The following IQCH variants were observed in gnomAD, a reference collection of about 807,000 sequenced individuals.
IQCH encodes the protein IQ domain-containing protein H.
IQCH carries 98 observed loss-of-function variants against 117.0 expected under a neutral mutation model. The observed-to-expected ratio is 0.84, with a 90% CI of 0.71 to 0.99. The LOEUF is 0.99. Ranked by LOEUF, IQCH falls within the 50% of genes least tolerant of loss-of-function variation. The pLI is 0.00. For synonymous variants in IQCH, 412 were observed against 448.2 expected (o/e 0.92, Z 1.02); for missense variants, 1,102 against 1,243.8 (o/e 0.89, Z 1.72).
At chr15:67,329,937 A>G (rs936834054) in intron 4 of IQCH, among the ~76,000 whole-genome samples, 1 of 152,140 alleles carries the variant, frequency 6.6e-6, no homozygotes, top group African/African-American at 2.4e-5. Context: ...ATAACAATAG[A>G]TTAAATACAA....
intron 6 of IQCH, among the ~76,000 whole-genome samples, chr15:67,353,716 A>G (rs768584149): frequency 1.3e-4 from 20 of 152,210 alleles, no homozygotes; most frequent in Non-Finnish European, 2.4e-4. Context: ...AATGATAAAG[A>G]AAGGAAAATA....
rs982608320 is a variant in IQCH, at chr15:67,342,313, T to TGTA, written c.509-1748_509-1746dup. On this transcript the variant is annotated intron_variant, in intron 5 of 20. Coordinates refer to ENST00000335894, the MANE Select transcript of IQCH (RefSeq NM_001031715.3). This position sits in a 1 kb window ranked among gnomAD's most constrained non-coding sequence, Gnocchi z 4.7. ...AGATGCATACAGAGTCCTGTAGGAC[T>TGTA]GTAGGTCAGATAATCTTCAGAGATT... 7.2e-5 allele frequency among the ~76,000 whole-genome samples: 11 copies of TGTA among 152,262 alleles called. No individual in the cohort carries two copies. Among genetic ancestry groups the TGTA allele is most frequent in the African/African-American group, 2.6e-4 (11 of 41,568 alleles).
Position 67,422,294 on chromosome 15 carries a change from C to T in IQCH, c.2505+717C>T, listed in dbSNP as rs2081769682. Among the ~76,000 whole-genome samples, 1 of 152,146 alleles carries T rather than the reference C, an allele frequency of 6.6e-6. No homozygotes were observed. The highest frequency in any genetic ancestry group is 1.5e-5 in the Non-Finnish European group (1 of 68,020). ...AGAAAGGAGTTAAGAGTTCACATTT[C>T]TGTTCCTTTTCTTATCAGACAACTT... is the stretch of plus-strand genomic sequence containing the variant. On this transcript the variant is annotated intron_variant, in intron 16 of 20. Coordinates refer to ENST00000335894, the MANE Select transcript of IQCH (RefSeq NM_001031715.3). This position sits in a 1 kb window ranked among gnomAD's most constrained non-coding sequence, Gnocchi z 4.7.
chr15:67,445,727 G>A lies in IQCH; in HGVS notation c.2506-19400G>A, dbSNP rs766056767. On this transcript the variant is annotated intron_variant, in intron 16 of 20. Coordinates refer to ENST00000335894, the MANE Select transcript of IQCH (RefSeq NM_001031715.3). This position sits in a 1 kb window ranked among gnomAD's most constrained non-coding sequence, Gnocchi z 4.3. ...GCTGGGATAACAGGCGTGAGCCACC[G>A]CACCTGGCCTGTTTTTTAATCTTTG... 4.6e-5 allele frequency among the ~76,000 whole-genome samples: 7 copies of A among 152,268 alleles called. No homozygotes were observed. The highest frequency in any genetic ancestry group is 6.5e-5 in the Admixed American group (1 of 15,298).
rs2083291949 is a variant in IQCH at position 67,479,523 on chromosome 15, TG to T, written c.2799+3706del. ...ATATATCCCCTCTAGGTACCTCTTA[TG>T]TATTCTTCAGCTGGAGAAACACAGA... On this transcript the variant is annotated intron_variant, in intron 18 of 20. Coordinates refer to ENST00000335894, the MANE Select transcript of IQCH (RefSeq NM_001031715.3). The surrounding 1 kb of genome is among the most constrained non-coding windows in gnomAD (Gnocchi z 4.6). Among the ~76,000 whole-genome samples the T allele has an allele frequency of 6.6e-6, 1 of 152,216 alleles. No individual in the cohort carries two copies. Among genetic ancestry groups the T allele is most frequent in the Admixed American group, 6.5e-5 (1 of 15,274 alleles).
intron 4 of IQCH, among the ~76,000 whole-genome samples, chr15:67,308,003 A>G (rs184790550): frequency 6.6e-6 from 1 of 152,286 alleles, no homozygotes; most frequent in Non-Finnish European, 1.5e-5. Context: ...TTCTGTACGT[A>G]TCAGCATTCC....
At chr15:67,280,451 G>A (rs1004786562) in intron 4 of IQCH, among the ~76,000 whole-genome samples, 1 of 152,186 alleles carries the variant, frequency 6.6e-6, no homozygotes, top group African/African-American at 2.4e-5. Context: ...TCAAGGTGCC[G>A]GCAGATCCGG....
At chr15:67,360,753 G>A (rs946434237) in intron 8 of IQCH, among the ~76,000 whole-genome samples, 2 of 152,156 alleles carry the variant, frequency 1.3e-5, no homozygotes, top group African/African-American at 2.4e-5. Context: ...AAAAGAGCCC[G>A]CCTTTGGGGT....
rs1206041581 is a variant in IQCH at position 67,463,669 on chromosome 15, T to G, written c.2506-1458T>G. On this transcript the variant is annotated intron_variant, in intron 16 of 20. Transcript: ENST00000335894. This position sits in a 1 kb window ranked among gnomAD's most constrained non-coding sequence, Gnocchi z 4.0. ...TACATGGGACCAGTTGTGTTTTTGT[T>G]GCTTGTTTAAAGCTCAAAGGTCACC... 1.3e-5 allele frequency among the ~76,000 whole-genome samples: 2 copies of G among 152,210 alleles called. No individual in the cohort carries two copies. Among genetic ancestry groups the G allele is most frequent in the African/African-American group, 2.4e-5 (1 of 41,458 alleles).
chr15:67,430,121 A>G lies in IQCH; in HGVS notation c.2505+8544A>G, dbSNP rs1006062082. 6.6e-6 allele frequency among the ~76,000 whole-genome samples: 1 copy of G among 152,130 alleles called. No individual in the cohort carries two copies. Among genetic ancestry groups the G allele is most frequent in the Non-Finnish European group, 1.5e-5 (1 of 68,018 alleles). On this transcript the variant is annotated intron_variant, in intron 16 of 20. Transcript: ENST00000335894. This position sits in a 1 kb window ranked among gnomAD's most constrained non-coding sequence, Gnocchi z 5.1. ...CCTTCAGAGATGGCACGCAGAGTAC[A>G]TGGCACTCCAGAATACACAGAGCTA...
At chr15:67,495,417 G>A (rs1471431127) in intron 20 of IQCH, among the ~76,000 whole-genome samples, 1 of 152,204 alleles carries the variant, frequency 6.6e-6, no homozygotes, top group South Asian at 2.1e-4. Flanking sequence ...TGCCTAGGCT[G>A]GTCTCAAGCT....
At position 67,417,698 on chromosome 15, in the gene IQCH, C is replaced by T. The variant is rs1268923569; in HGVS notation, c.2218+647C>T. ...GAGGGAATGAATGGAGTGAATGATG[C>T]CTGTCTACCGTCTCAGAGGTCCCTG... On this transcript the variant is annotated intron_variant, in intron 15 of 20. Transcript: ENST00000335894. The surrounding 1 kb of genome is among the most constrained non-coding windows in gnomAD (Gnocchi z 4.3). Among the ~76,000 whole-genome samples, 1 of 152,084 alleles carries T rather than the reference C, an allele frequency of 6.6e-6. No individual in the cohort carries two copies. Among genetic ancestry groups the T allele is most frequent in the Non-Finnish European group, 1.5e-5 (1 of 68,018 alleles).
rs1456455153 is a variant in IQCH at position 67,474,061 on chromosome 15, A to T, written c.2677-1635A>T. 8.2e-6 allele frequency among the ~76,000 whole-genome samples: 1 copy of T among 121,222 alleles called. No individual in the cohort carries two copies. Among genetic ancestry groups the T allele is most frequent in the Non-Finnish European group, 1.7e-5 (1 of 57,376 alleles). 79.5% of individuals were successfully genotyped at this position (121,222 alleles called of 152,430 possible). On this transcript the variant is annotated intron_variant, in intron 17 of 20. Coordinates refer to ENST00000335894, the MANE Select transcript of IQCH (RefSeq NM_001031715.3). The surrounding 1 kb of genome is among the most constrained non-coding windows in gnomAD (Gnocchi z 4.1). The stretch of plus-strand genomic sequence containing the variant: ...GAGCATGTCACCAAAAGTGCCACGA[A>T]ATCTGAGTGTGTGTGTGTGTGTGTG...
chr15:67,429,509 C>A (rs1042224867), intron 16 of IQCH, among the ~76,000 whole-genome samples: 33 of 152,100 alleles, frequency 2.2e-4, no homozygotes, highest in Admixed American at 9.8e-4. Flanking sequence ...CAGAACGAGA[C>A]CCTGTCTCAA....
Position 67,458,500 on chromosome 15 carries a change from C to G in IQCH, c.2506-6627C>G, listed in dbSNP as rs1009690564. On this transcript the variant is annotated intron_variant, in intron 16 of 20. Transcript: ENST00000335894. The surrounding 1 kb of genome is among the most constrained non-coding windows in gnomAD (Gnocchi z 4.1). ...GGACTCCCTGTTTCCATCCTTGCCC[C>G]CTCAGGGCCTCTTGTCAATGCAATT... is the stretch of plus-strand genomic sequence containing the variant. Among the ~76,000 whole-genome samples, 2 of 152,216 alleles carry G rather than the reference C, an allele frequency of 1.3e-5. No individual in the cohort carries two copies. Among genetic ancestry groups the G allele is most frequent in the Non-Finnish European group, 2.9e-5 (2 of 68,050 alleles).
chr15:67,430,893 C>T lies in IQCH; in HGVS notation c.2505+9316C>T, dbSNP rs2082005122. Among the ~76,000 whole-genome samples, 2 of 152,210 alleles carry T rather than the reference C, an allele frequency of 1.3e-5. No individual in the cohort carries two copies. Among genetic ancestry groups the T allele is most frequent in the East Asian group, 1.9e-4 (1 of 5,176 alleles). ...CAAGGAAAGGCTTAAGTGACAACTA[C>T]GTAGAACAATAAAAGAGACATCAAA... is the stretch of plus-strand genomic sequence containing the variant. On this transcript the variant is annotated intron_variant, in intron 16 of 20. Coordinates refer to ENST00000335894, the MANE Select transcript of IQCH (RefSeq NM_001031715.3). The surrounding 1 kb of genome is among the most constrained non-coding windows in gnomAD (Gnocchi z 5.1).
chr15:67,263,050 AC>A (rs903004916), intron 2 of IQCH, 71 bp from the exon 3 acceptor site: 10 of 813,022 alleles, frequency 1.2e-5, no homozygotes, highest in Non-Finnish European at 1.7e-5. Context: ...CAGAGTATTA[AC>A]CTAATGAAGT....
rs1029347384 is a variant in IQCH, at chr15:67,433,196, G to T, written c.2505+11619G>T. On this transcript the variant is annotated intron_variant, in intron 16 of 20. Coordinates refer to ENST00000335894, the MANE Select transcript of IQCH (RefSeq NM_001031715.3). This position sits in a 1 kb window ranked among gnomAD's most constrained non-coding sequence, Gnocchi z 5.4. ...TAAAAGACCTTCTCCCTTTAAAAGG[G>T]CTGTATCTTTGTGTCAATGAAAGAG... Among the ~76,000 whole-genome samples the T allele has an allele frequency of 2.0e-5, 3 of 152,166 alleles. No individual in the cohort carries two copies. The highest frequency in any genetic ancestry group is 4.4e-5 in the Non-Finnish European group (3 of 68,032).
At chr15:67,346,528 A>G (rs1218807565) in intron 6 of IQCH, among the ~76,000 whole-genome samples, 15 of 152,170 alleles carry the variant, frequency 9.9e-5, no homozygotes, top group Non-Finnish European at 1.8e-4. Flanking sequence ...TCTTGCTCCT[A>G]TGAAAATCTA....
Sources: gnomAD v4.1 joint callset for allele counts (sites outside exome capture counted in the v4.1 genomes callset) on GRCh38, gnomAD v4.1.1 for gene constraint, Gnocchi (gnomAD v3.1) non-coding constraint, MANE v1.5 for transcripts, NCBI Gene and HGNC (gene_info 2026-07-23, HGNC 2026-07-21) for gene names.